PLEKHB1: variants seen among roughly 807,000 people sequenced by gnomAD.
PLEKHB1 encodes the protein pleckstrin homology domain-containing family B member 1.
PLEKHB1 carries 29 observed loss-of-function variants against 36.2 expected under a neutral mutation model. The ratio of observed to expected loss-of-function variants is 0.80; its 90% CI spans 0.60 to 1.09. PLEKHB1 has a LOEUF of 1.09. Among genes scored for constraint, PLEKHB1 ranks in the 50% least tolerant of loss-of-function variants. PLEKHB1 has a pLI of 0.00. For synonymous variants in PLEKHB1, 138 were observed against 140.0 expected (o/e 0.99, Z 0.10); for missense variants, 330 against 348.2 (o/e 0.95, Z 0.42).
chr11:73,655,875 T>C lies in PLEKHB1; in HGVS notation c.463T>C (p.Trp155Arg). The C allele has an allele frequency of 6.2e-7, 1 of 1,613,836 alleles. No individual in the cohort carries two copies. Among genetic ancestry groups the C allele is most frequent in the South Asian group, 1.1e-5 (1 of 91,088 alleles). The change falls in exon 6 of 8, where the codon TGG (tryptophan) becomes CGG (arginine). Residue 155 changes from tryptophan to arginine, a missense_variant. By Grantham distance (101) the Trp-to-Arg change is moderately radical (BLOSUM62 -3). Coordinates refer to ENST00000354190, the MANE Select transcript of PLEKHB1 (RefSeq NM_021200.3). Reference protein sequence around the residue: ...CSKVRCVTRSWSPCKVERRIW... With the variant: ...CSKVRCVTRSRSPCKVERRIW... The stretch of plus-strand genomic sequence containing the variant: ...CAAGGTCAGGTGTGTGACCCGCTCG[T>C]GGAGCCCCTGTAAGGTTGAGAGGCG...
At chr11:73,648,083 A>G (rs1944805391) in intron 1 of PLEKHB1, 7 of 661,154 alleles carry the variant, frequency 1.1e-5, no homozygotes, top group Non-Finnish European at 1.3e-5. Context: ...TAGAGTGGGG[A>G]CAAGGTGAGG....
chr11:73,654,700 G>A (rs1413030800), intron 5 of PLEKHB1, among the ~76,000 whole-genome samples: 1 of 152,218 alleles, frequency 6.6e-6, no homozygotes, highest in Non-Finnish European at 1.5e-5. Context: ...GCACATGTGT[G>A]TGTGCACAAG....
At chr11:73,653,112 T>C in intron 5 of PLEKHB1, 98 bp downstream of exon 5, 1 of 1,283,126 alleles carries the variant, frequency 7.8e-7, no homozygotes, top group South Asian at 1.4e-5. Context: ...AAGTTCTCAG[T>C]CTTATGTGGA....
intron 1 of PLEKHB1, chr11:73,647,686 A>G (rs1944793961): frequency 2.0e-6 from 2 of 985,384 alleles, no homozygotes; most frequent in Non-Finnish European, 1.2e-6. Flanking sequence ...GGGTGGCAGC[A>G]GCATCGAGTA....
chr11:73,649,204 C>T (rs1944834840), intron 2 of PLEKHB1, 117 bp downstream of exon 2: 2 of 1,263,200 alleles, frequency 1.6e-6, no homozygotes, highest in Non-Finnish European at 1.1e-6. Flanking sequence ...CCTTGTTTGT[C>T]CATGCTCTTC....
chr11:73,657,817 A>G (rs1300213874), intron 6 of PLEKHB1, among the ~76,000 whole-genome samples: 2 of 152,124 alleles, frequency 1.3e-5, no homozygotes, highest in African/African-American at 2.4e-5. Flanking sequence ...CCTACCAGAA[A>G]TCCCTATTGG....
At position 73,649,123 on chromosome 11, in the gene PLEKHB1, T is replaced by C. The variant is rs1037975536; in HGVS notation, c.94+36T>C. 17 of 1,566,056 alleles carry C rather than the reference T, an allele frequency of 1.1e-5. No homozygotes were observed. In the African/African-American group the frequency reaches 1.8e-4, roughly 16 times the overall value. On this transcript the variant is annotated intron_variant, in intron 2 of 7. Coordinates refer to ENST00000354190, the MANE Select transcript of PLEKHB1 (RefSeq NM_021200.3). Reference sequence around the variant, plus strand: ...CTGGGCCCCTGGTCCTGGGGCAGGGTGAAGGAAGTGGCTTACTGGGCTTGC... The same window carrying C: ...CTGGGCCCCTGGTCCTGGGGCAGGGCGAAGGAAGTGGCTTACTGGGCTTGC...
In PLEKHB1 at chr11:73,650,939, G is replaced by A. The variant is rs552152286; in HGVS notation, c.247+234G>A. On this transcript the variant is annotated intron_variant, in intron 3 of 7. Coordinates refer to ENST00000354190, the MANE Select transcript of PLEKHB1 (RefSeq NM_021200.3). ...AGCACTTTGGGTGGCTGAAGCGGGC[G>A]GATCACTTGAGGTCAGGAGTTCTAG... 1.1e-4 allele frequency among the ~76,000 whole-genome samples: 17 copies of A among 151,916 alleles called. No homozygotes were observed. In the South Asian group the frequency reaches 3.1e-3, roughly 28 times the overall value.
intron 5 of PLEKHB1, chr11:73,653,363 T>C (rs912094223): frequency 1.3e-5 from 7 of 548,198 alleles, no homozygotes; most frequent in Admixed American, 2.2e-5. Context: ...TTGTTCTCTC[T>C]CTGCAGATGA....
In PLEKHB1 at chr11:73,649,010, A is replaced by T. The variant is rs1184137564; in HGVS notation, c.19-2A>T. 6.3e-7 allele frequency: 1 copy of T among 1,589,432 alleles called. No homozygotes were observed. Reference sequence around the variant, plus strand: ...CTGTGTCTCCCGTGGCTCCTCTGACAGGTCCCGCCTGACTCCGCTCTGGAA... The same window carrying T: ...CTGTGTCTCCCGTGGCTCCTCTGACTGGTCCCGCCTGACTCCGCTCTGGAA... On this transcript the variant is annotated splice_acceptor_variant, in intron 1 of 7. Coordinates refer to ENST00000354190, the MANE Select transcript of PLEKHB1 (RefSeq NM_021200.3). LOFTEE classifies it high-confidence loss of function.
At chr11:73,654,358 C>G (rs1397086822) in intron 5 of PLEKHB1, among the ~76,000 whole-genome samples, 1 of 152,162 alleles carries the variant, frequency 6.6e-6, no homozygotes, top group Admixed American at 6.5e-5. Context: ...AGAGAAAGTC[C>G]GTTGGGAAGT....
At position 73,653,011 on chromosome 11, in the gene PLEKHB1, C is replaced by A. The variant is rs761209652; in HGVS notation, c.387C>A (p.Thr129=). Residue 129 remains threonine, a synonymous_variant, in exon 5 of 8, where the codon ACC becomes ACA. Coordinates refer to ENST00000354190, the MANE Select transcript of PLEKHB1 (RefSeq NM_021200.3). ...WKTALLEANS[T]PAPAGATVPP... Reference sequence around the variant, plus strand: ...CAGCACTGCTGGAGGCAAACTCCACCCCGGTGAGTCTCCCGTTCTCTCCCC... The same window carrying A: ...CAGCACTGCTGGAGGCAAACTCCACACCGGTGAGTCTCCCGTTCTCTCCCC... The A allele has an allele frequency of 1.2e-6, 2 of 1,609,172 alleles. No individual in the cohort carries two copies. The highest frequency in any genetic ancestry group is 1.7e-6 in the Non-Finnish European group (2 of 1,176,592).
intron 5 of PLEKHB1, chr11:73,653,249 C>T: frequency 1.5e-6 from 1 of 658,130 alleles, no homozygotes; most frequent in South Asian, 1.7e-5. Context: ...GGCACATGAG[C>T]TGGGGAGAAG....
Position 73,649,098 on chromosome 11 carries a change from C to T in PLEKHB1, c.94+11C>T, listed in dbSNP as rs749762591. 3 of 1,587,094 alleles carry T rather than the reference C, an allele frequency of 1.9e-6. No homozygotes were observed. Among genetic ancestry groups the T allele is most frequent in the Non-Finnish European group, 2.6e-6 (3 of 1,166,442 alleles). On this transcript the variant is annotated intron_variant, in intron 2 of 7. Coordinates refer to ENST00000354190, the MANE Select transcript of PLEKHB1 (RefSeq NM_021200.3). ...GGCTGTGGAGACAGAGTGAGTGATC[C>T]TGGGCCCCTGGTCCTGGGGCAGGGT... is the stretch of plus-strand genomic sequence containing the variant.
At chr11:73,651,353 C>CA (rs35147175) in intron 3 of PLEKHB1, 58,149 of 353,984 alleles carry the variant, frequency 0.16, 2,272 homozygotes, top group South Asian at 0.19. Context: ...GACCCTGTCT[C>CA]AAAAAAAAAA....
chr11:73,660,796 C>G lies in PLEKHB1; in HGVS notation c.539C>G (p.Pro180Arg). Residue 180 changes from proline to arginine, a missense_variant, in exon 7 of 8, where the codon CCC becomes CGC. By Grantham distance (103) the Pro-to-Arg change is moderately radical. Transcript: ENST00000354190. ...SPYQDYYEVV[P>R]PNAHEATYVR... The stretch of plus-strand genomic sequence containing the variant: ...TACCAAGACTACTACGAGGTGGTGC[C>G]CCCCAATGCACACGAGGCCACGTAT... 3 of 1,602,700 alleles carry G rather than the reference C, an allele frequency of 1.9e-6. No homozygotes were observed. Among genetic ancestry groups the G allele is most frequent in the Non-Finnish European group, 2.6e-6 (3 of 1,175,718 alleles).
chr11:73,659,642 G>GA (rs5792625), intron 6 of PLEKHB1, among the ~76,000 whole-genome samples: 7 of 151,112 alleles, frequency 4.6e-5, no homozygotes, highest in East Asian at 3.9e-4. Context: ...AGAATTCAGG[G>GA]AAAAAAAAAA....
In PLEKHB1 at chr11:73,655,882, C is replaced by G; in HGVS notation, c.470C>G (p.Pro157Arg). 2 of 1,613,854 alleles carry G rather than the reference C, an allele frequency of 1.2e-6. No homozygotes were observed. The highest frequency in any genetic ancestry group is 1.7e-6 in the Non-Finnish European group (2 of 1,179,864). The change falls in exon 6 of 8, where the codon CCC (proline) becomes CGC (arginine). Residue 157 changes from proline to arginine, a missense_variant. By Grantham distance (103) the Pro-to-Arg change is moderately radical. Transcript: ENST00000354190. ...AGGTGTGTGACCCGCTCGTGGAGCC[C>G]CTGTAAGGTTGAGAGGCGGATCTGG... is the stretch of plus-strand genomic sequence containing the variant. Reference protein sequence around the residue: ...KVRCVTRSWSPCKVERRIWVR... With the variant: ...KVRCVTRSWSRCKVERRIWVR...
chr11:73,648,569 A>G (rs1465723355), intron 1 of PLEKHB1: 4 of 948,552 alleles, frequency 4.2e-6, no homozygotes, highest in East Asian at 1.1e-4. Context: ...GCACTTCCAC[A>G]TTACAGAATC....
Sources: gnomAD v4.1 joint callset for allele counts (sites outside exome capture counted in the v4.1 genomes callset) on GRCh38, gnomAD v4.1.1 for gene constraint, MANE v1.5 for transcripts, NCBI Gene and HGNC (gene_info 2026-07-23, HGNC 2026-07-21) for gene names.